Variants in NTRK3 observed in about 807,000 individuals in gnomAD.
NTRK3 encodes the protein NT-3 growth factor receptor.
NTRK3 carries 24 observed loss-of-function variants against 91.7 expected under a neutral mutation model. That is an observed-to-expected ratio of 0.26 (90% confidence interval 0.19 to 0.37). The LOEUF (loss-of-function observed/expected upper bound fraction) is 0.37. Among genes scored for constraint, NTRK3 ranks in the 10% least tolerant of loss-of-function variants. NTRK3 has a pLI of 1.00. For synonymous variants in NTRK3, 483 were observed against 404.0 expected, an observed-to-expected ratio of 1.20 and a Z score of -2.34; for missense variants, 880 against 1,068.9, an observed-to-expected ratio of 0.82 and a Z score of 2.46.
chr15:88,152,237 G>A (rs1328467983), intron 5 of NTRK3, among the ~76,000 whole-genome samples: 1 of 152,174 alleles, frequency 6.6e-6, no homozygotes, highest in Non-Finnish European at 1.5e-5. Flanking sequence ...GGAGGTGGAA[G>A]TTGCAGTGAG....
intron 13 of NTRK3, among the ~76,000 whole-genome samples, chr15:88,104,055 T>C (rs2050446555): frequency 6.6e-6 from 1 of 152,196 alleles, no homozygotes; most frequent in African/African-American, 2.4e-5. Context: ...TAGCCAGGCA[T>C]CTGGAAGAAG....
intron 14 of NTRK3, among the ~76,000 whole-genome samples, chr15:87,980,784 A>C (rs778990582): frequency 6.6e-6 from 1 of 152,196 alleles, no homozygotes; most frequent in Non-Finnish European, 1.5e-5. Flanking sequence ...AGGTGGGGTC[A>C]GATTTGTGAA....
chr15:88,226,394 A>C (rs969893730), intron 3 of NTRK3, among the ~76,000 whole-genome samples: 1 of 152,204 alleles, frequency 6.6e-6, no homozygotes, highest in African/African-American at 2.4e-5. Flanking sequence ...GAAACAGGCC[A>C]CGAGCAGTCC....
At chr15:88,201,740 C>T (rs1320245477) in intron 3 of NTRK3, among the ~76,000 whole-genome samples, 1 of 152,146 alleles carries the variant, frequency 6.6e-6, no homozygotes, top group African/African-American at 2.4e-5. Context: ...GGTCCGAATA[C>T]TTCAGAACAC....
At chr15:87,977,096 C>T (rs1248810488) in intron 14 of NTRK3, among the ~76,000 whole-genome samples, 2 of 152,144 alleles carry the variant, frequency 1.3e-5, no homozygotes, top group Non-Finnish European at 2.9e-5. Context: ...ACTGTGTGAC[C>T]CTGGATGAAC....
chr15:88,049,704 C>T (rs2080619702), intron 13 of NTRK3, among the ~76,000 whole-genome samples: 1 of 152,154 alleles, frequency 6.6e-6, no homozygotes, highest in Non-Finnish European at 1.5e-5. Flanking sequence ...CAGGGGATTC[C>T]TCCCAAGGTG....
At chr15:88,230,806 C>A (rs910853507) in intron 3 of NTRK3, among the ~76,000 whole-genome samples, 1 of 151,508 alleles carries the variant, frequency 6.6e-6, no homozygotes, top group Non-Finnish European at 1.5e-5. Context: ...TCAGACAAAA[C>A]CACCCTGTAA....
intron 14 of NTRK3, among the ~76,000 whole-genome samples, chr15:87,940,958 G>T (rs1009224229): frequency 2.6e-5 from 4 of 152,152 alleles, no homozygotes; most frequent in Non-Finnish European, 4.4e-5. Flanking sequence ...TCTCAATGCT[G>T]TCCCTGAACA....
chr15:88,152,173 C>T (rs531804520), intron 5 of NTRK3, among the ~76,000 whole-genome samples: 15 of 152,070 alleles, frequency 9.9e-5, no homozygotes, highest in African/African-American at 2.2e-4. Context: ...TGGTGGTGGG[C>T]GCCTGTAATC....
At chr15:88,131,621 C>G (rs919527370) in intron 10 of NTRK3, among the ~76,000 whole-genome samples, 3 of 152,200 alleles carry the variant, frequency 2.0e-5, no homozygotes, top group African/African-American at 7.2e-5. Flanking sequence ...GATCAATTCG[C>G]AGTTTACATT....
chr15:87,897,234 C>T (rs2066180908), intron 17 of NTRK3, among the ~76,000 whole-genome samples: 1 of 152,150 alleles, frequency 6.6e-6, no homozygotes, highest in Non-Finnish European at 1.5e-5. Flanking sequence ...CTGCCAGGAG[C>T]AAAGTTCTGA....
intron 13 of NTRK3, among the ~76,000 whole-genome samples, chr15:88,123,073 T>C (rs948454605): frequency 1.2e-4 from 18 of 152,150 alleles, no homozygotes; most frequent in African/African-American, 3.9e-4. Context: ...GAGGGCATGA[T>C]TGCGTCTTGG....
rs533052605 is a variant in NTRK3, at chr15:88,072,269, G to A, written c.1397-39224C>T. 1.1e-4 allele frequency among the ~76,000 whole-genome samples: 17 copies of A among 152,186 alleles called. No individual in the cohort carries two copies. The South Asian group carries it at 3.5e-3, about 32-fold the overall frequency. Reference sequence around the variant, plus strand: ...TCCGACTGCCTCAGCCTCCCAAAGTGCTGGGATTACAGGCATAAGCTACCG... The same window carrying A: ...TCCGACTGCCTCAGCCTCCCAAAGTACTGGGATTACAGGCATAAGCTACCG... On this transcript the variant is annotated intron_variant, in intron 13 of 18. Coordinates refer to ENST00000394480, the Ensembl canonical transcript of NTRK3.
intron 9 of NTRK3, 23 bp downstream of exon 9, chr15:88,135,876 C>T (rs754134784): frequency 6.2e-7 from 1 of 1,613,672 alleles, no homozygotes; most frequent in Non-Finnish European, 8.5e-7. Context: ...ACACAGCCAT[C>T]CCCCACAATA....
intron 14 of NTRK3, among the ~76,000 whole-genome samples, chr15:87,970,758 T>C (rs1397361505): frequency 6.6e-6 from 1 of 152,106 alleles, no homozygotes; most frequent in Non-Finnish European, 1.5e-5. Context: ...CTGCAATCAA[T>C]AAAAAGGGGA....
intron 14 of NTRK3, among the ~76,000 whole-genome samples, chr15:87,952,943 C>A (rs947397691): frequency 6.6e-6 from 1 of 152,098 alleles, no homozygotes; most frequent in African/African-American, 2.4e-5. Context: ...CGAGTCCCAG[C>A]CACGCCGGCC....
intron 14 of NTRK3, among the ~76,000 whole-genome samples, chr15:88,004,452 G>T (rs1229551888): frequency 2.0e-5 from 3 of 152,194 alleles, no homozygotes; most frequent in Non-Finnish European, 2.9e-5. Context: ...AAACCATTCA[G>T]TCTAGAAAAG....
chr15:88,072,029 G>T, intron 13 of NTRK3, among the ~76,000 whole-genome samples: 1 of 145,050 alleles, frequency 6.9e-6, no homozygotes. Context: ...TTTTTGAGAT[G>T]GAGTCTTGCA....
intron 3 of NTRK3, among the ~76,000 whole-genome samples, chr15:88,186,337 C>T (rs2046942024): frequency 2.0e-5 from 3 of 152,200 alleles, no homozygotes; most frequent in African/African-American, 4.8e-5. Flanking sequence ...TCAAGCCTTA[C>T]CCTTCTCAGC....
Sources: gnomAD v4.1 joint callset for allele counts (sites outside exome capture counted in the v4.1 genomes callset) on GRCh38, gnomAD v4.1.1 for gene constraint, MANE v1.5 for transcripts, NCBI Gene and HGNC (gene_info 2026-07-23, HGNC 2026-07-21) for gene names.